The following SPATA2 variants were observed in gnomAD, a reference collection of about 807,000 sequenced individuals.
SPATA2 encodes spermatogenesis-associated protein 2.
In SPATA2, 8 loss-of-function variants were observed where a neutral mutation model predicts 35.4. The observed-to-expected ratio is 0.23, with a 90% CI of 0.13 to 0.41. The LOEUF (loss-of-function observed/expected upper bound fraction) is 0.41, where lower values mean the gene tolerates loss of function less well. Among genes scored for constraint, SPATA2 ranks in the 10% least tolerant of loss-of-function variants. SPATA2 has a pLI of 1.00. For missense variants in SPATA2, 650 were observed against 698.7 expected (o/e 0.93, Z 0.79); for synonymous variants, 293 against 300.9 (o/e 0.97, Z 0.27).
At position 49,903,902 on chromosome 20, in the gene SPATA2, GATATATATATATAT is replaced by G. The variant is rs374830291; in HGVS notation, c.*1703_*1716del. On this transcript the variant is annotated 3_prime_UTR_variant, in exon 3 of 3. Coordinates refer to ENST00000289431, the MANE Select transcript of SPATA2 (RefSeq NM_006038.4). The stretch of plus-strand genomic sequence containing the variant: ...ACATCTACATGTGATCTACCAGATA[GATATATATATATAT>G]ATATATATATATATATATATATATA... 0.015 allele frequency: 1,435 copies of G among 96,908 alleles called. 36 individuals are homozygous for G. The highest frequency in any genetic ancestry group is 0.028 in the African/African-American group (595 of 21,362). 6.0% of individuals were successfully genotyped at this position (96,908 alleles called of 1,614,324 possible). A position where few individuals can be genotyped will look rare whatever the true frequency, so the allele number is the denominator to read the frequency against.
intron 1 of SPATA2, among the ~76,000 whole-genome samples, chr20:49,908,923 C>T (rs2745078): frequency 0.42 from 64,173 of 152,098 alleles, 15,623 homozygotes; most frequent in East Asian, 0.79. Context: ...GATGAGGAGT[C>T]TGCCAGGCCA....
intron 1 of SPATA2, among the ~76,000 whole-genome samples, chr20:49,911,687 GAAAA>G (rs1211542039): frequency 4.0e-5 from 6 of 151,382 alleles, no homozygotes; most frequent in Non-Finnish European, 7.4e-5. Flanking sequence ...AAAAGAAAAA[GAAAA>G]AGAAAAGAGA....
intron 1 of SPATA2, among the ~76,000 whole-genome samples, chr20:49,912,459 T>C (rs1325028089): frequency 2.6e-5 from 4 of 152,150 alleles, no homozygotes; most frequent in Admixed American, 2.6e-4. Flanking sequence ...CATAAATAAA[T>C]GTATTGCACC....
At chr20:49,909,376 T>C (rs1034340491) in intron 1 of SPATA2, among the ~76,000 whole-genome samples, 1 of 151,972 alleles carries the variant, frequency 6.6e-6, no homozygotes, top group African/African-American at 2.4e-5. Context: ...GCAGCCCCAG[T>C]GGACCATGTG....
In SPATA2 at chr20:49,906,010, C is replaced by G. The variant is rs146396867; in HGVS notation, c.1172G>C (p.Ser391Thr). 3.5e-5 allele frequency: 57 copies of G among 1,606,072 alleles called. No homozygotes were observed. The African/African-American group carries it at 6.5e-4, about 18-fold the overall frequency. ...GTCACAGCGCTGGCAGAGGGAGGAGCTGCAGGACAGCCCGCAGCTTTGGCA... is the reference window on the plus strand; with the variant it reads ...GTCACAGCGCTGGCAGAGGGAGGAGGTGCAGGACAGCCCGCAGCTTTGGCA... Reference protein sequence around the residue: ...SKCQSCGLSCSSSLCQRCDSL... With the variant: ...SKCQSCGLSCTSSLCQRCDSL... The change falls in exon 3 of 3, where the codon AGC becomes ACC. Residue 391 changes from serine (S) to threonine (T), a missense_variant. Ser to Thr is a moderately conservative substitution (Grantham distance 58, BLOSUM62 1). Transcript: ENST00000289431. The surrounding 1 kb of genome is among the most constrained non-coding windows in gnomAD (Gnocchi z 8.2).
chr20:49,912,295 A>T (rs953685522), intron 1 of SPATA2, among the ~76,000 whole-genome samples: 3 of 152,120 alleles, frequency 2.0e-5, no homozygotes, highest in African/African-American at 7.2e-5. Context: ...CTCTACTAAA[A>T]ATACAAAAAT....
intron 2 of SPATA2, among the ~76,000 whole-genome samples, chr20:49,907,664 G>A (rs190482032): frequency 4.0e-4 from 61 of 151,702 alleles, no homozygotes; most frequent in African/African-American, 1.4e-3. Context: ...GCCATCCCCC[G>A]CGTGGTCTGA....
chr20:49,907,655 C>T (rs1282055216), intron 2 of SPATA2, among the ~76,000 whole-genome samples: 3 of 151,624 alleles, frequency 2.0e-5, no homozygotes, highest in African/African-American at 7.2e-5. Flanking sequence ...CTCTCCTGTG[C>T]CATCCCCCGC....
rs2090137793 is a variant in SPATA2, at chr20:49,905,811, A to G, written c.1371T>C (p.Thr457=). Residue 457 remains threonine (T), a synonymous_variant, in exon 3 of 3, where the codon ACT becomes ACC. Coordinates refer to ENST00000289431, the MANE Select transcript of SPATA2 (RefSeq NM_006038.4). ...GGCGGTTGCAGAAGCCACAGCGGGAAGTGGGCGTGGTGGAGGGCTTGGATT... is the reference window on the plus strand; with the variant it reads ...GGCGGTTGCAGAAGCCACAGCGGGAGGTGGGCGTGGTGGAGGGCTTGGATT... ...HSKSKPSTTP[T]SRCGFCNRPG... The G allele has an allele frequency of 1.2e-6, 2 of 1,614,186 alleles. No individual in the cohort carries two copies. The highest frequency in any genetic ancestry group is 1.7e-6 in the Non-Finnish European group (2 of 1,180,016).
At chr20:49,912,182 G>A (rs982591086) in intron 1 of SPATA2, among the ~76,000 whole-genome samples, 1 of 152,184 alleles carries the variant, frequency 6.6e-6, no homozygotes, top group Admixed American at 6.5e-5. Flanking sequence ...GGCCAGGCGC[G>A]GTGGCTCACG....
In SPATA2 at chr20:49,908,187, A is replaced by T; in HGVS notation, c.304T>A (p.Tyr102Asn). 6.2e-7 allele frequency: 1 copy of T among 1,612,232 alleles called. No individual in the cohort carries two copies. Among genetic ancestry groups the T allele is most frequent in the Non-Finnish European group, 8.5e-7 (1 of 1,179,056 alleles). ...CTTCTGAATTCCTTCTTCCACGGGT[A>T]GAGGAAGAGGTTGATGCCCACCGTC... ...LETVGINLFL[Y>N]PWKKEFRSIK... Residue 102 changes from tyrosine to asparagine, a missense_variant, in exon 2 of 3, where the codon TAC (tyrosine) becomes AAC (asparagine). By Grantham distance (143) the Tyr-to-Asn change is moderately radical (BLOSUM62 -2). Transcript: ENST00000289431.
intron 1 of SPATA2, among the ~76,000 whole-genome samples, chr20:49,914,876 T>C (rs2146839025): frequency 6.6e-6 from 1 of 152,312 alleles, no homozygotes; most frequent in South Asian, 2.1e-4. Flanking sequence ...TAACAGGAAC[T>C]ATCACTTATT....
rs777930157 is a variant in SPATA2 at position 49,906,509 on chromosome 20, T to A, written c.673A>T (p.Met225Leu). Residue 225 changes from methionine (M) to leucine (L), a missense_variant, in exon 3 of 3, where the codon ATG (methionine) becomes TTG (leucine). By Grantham distance (15) the Met-to-Leu change is conservative (BLOSUM62 2). Transcript: ENST00000289431. The surrounding 1 kb of genome is among the most constrained non-coding windows in gnomAD (Gnocchi z 8.2). ...AEGREHLTAS[M>L]SRVALQKSAS... ...GACTTCTGGAGTGCCACTCGTGACA[T>A]GGAGGCCGTCAGGTGCTCCCGGCCC... 4 of 1,612,032 alleles carry A rather than the reference T, an allele frequency of 2.5e-6. No individual in the cohort carries two copies. Among genetic ancestry groups the A allele is most frequent in the Non-Finnish European group, 3.4e-6 (4 of 1,179,834 alleles).
At position 49,906,373 on chromosome 20, in the gene SPATA2, G is replaced by A. The variant is rs750085432; in HGVS notation, c.809C>T (p.Ala270Val). The A allele has an allele frequency of 6.2e-7, 1 of 1,613,910 alleles. No homozygotes were observed. The highest frequency in any genetic ancestry group is 1.1e-5 in the South Asian group (1 of 91,074). The part of the protein sequence containing the change: ...YWESRKPPLK[A>V]SLSLRKEPVA... ...AGGCTCCTTCCGAAGACTCAATGAG[G>A]CCTTCAGGGGTGGCTTCCGGCTCTC... is the stretch of plus-strand genomic sequence containing the variant. Residue 270 changes from alanine to valine, a missense_variant, in exon 3 of 3, where the codon GCC becomes GTC. Ala to Val is a moderately conservative substitution (Grantham distance 64). Transcript: ENST00000289431. The surrounding 1 kb of genome is among the most constrained non-coding windows in gnomAD (Gnocchi z 8.2).
chr20:49,908,038 G>T, intron 2 of SPATA2, 117 bp downstream of exon 2: 1 of 1,067,932 alleles, frequency 9.4e-7, no homozygotes, highest in Non-Finnish European at 1.4e-6. Context: ...TTCGGAGCCC[G>T]GAAGGATCTG....
Position 49,903,939 on chromosome 20 carries a change from ATATATATATATATT to A in SPATA2, c.*1666_*1679del, listed in dbSNP as rs1418640332. 7 of 70,772 alleles carry A rather than the reference ATATATATATATATT, an allele frequency of 9.9e-5. No individual in the cohort carries two copies. Among genetic ancestry groups the A allele is most frequent in the East Asian group, 6.2e-4 (1 of 1,612 alleles). 4.4% of individuals were successfully genotyped at this position (70,772 alleles called of 1,614,324 possible). ...TATATATATATATATATATATATAT[ATATATATATATATT>A]AAAAAGAGAGCCATAGAAGATTTGG... On this transcript the variant is annotated 3_prime_UTR_variant, in exon 3 of 3. Transcript: ENST00000289431.
At chr20:49,907,598 T>C (rs8115670) in intron 2 of SPATA2, among the ~76,000 whole-genome samples, 1,657 of 147,812 alleles carry the variant, frequency 0.011, 43 homozygotes, top group African/African-American at 0.038. Context: ...CCTCTCTTGA[T>C]TACCACTCCT....
chr20:49,911,988 G>A (rs1261952095), intron 1 of SPATA2, among the ~76,000 whole-genome samples: 1 of 152,130 alleles, frequency 6.6e-6, no homozygotes, highest in Non-Finnish European at 1.5e-5. Flanking sequence ...GGACCCAGTC[G>A]GGGAATGGGG....
rs2090140969 is a variant in SPATA2, at chr20:49,906,064, G to A, written c.1118C>T (p.Pro373Leu). ...DAHSLYHKRS[P>L]PAKESALSKC... is the part of the protein sequence containing the mutation. ...GGAGAGGGCGGACTCTTTGGCAGGG[G>A]GCGAGCGCTTGTGGTAGAGGGAGTG... Residue 373 changes from proline (P) to leucine (L), a missense_variant, in exon 3 of 3, where the codon CCC (proline) becomes CTC (leucine). Transcript: ENST00000289431. This position sits in a 1 kb window ranked among gnomAD's most constrained non-coding sequence, Gnocchi z 8.2. 6.2e-7 allele frequency: 1 copy of A among 1,607,128 alleles called. No homozygotes were observed. Among genetic ancestry groups the A allele is most frequent in the Non-Finnish European group, 8.5e-7 (1 of 1,179,490 alleles).
Sources: allele counts gnomAD v4.1 joint callset (sites outside exome capture counted in the v4.1 genomes callset), GRCh38; gene constraint gnomAD v4.1.1; non-coding constraint Gnocchi (gnomAD v3.1); transcripts MANE v1.5; gene names NCBI Gene and HGNC (gene_info 2026-07-23, HGNC 2026-07-21).